AUTS2: variants seen among roughly 807,000 people sequenced by gnomAD.
The protein encoded by AUTS2 is activator of transcription and developmental regulator AUTS2.
AUTS2 carries 17 observed loss-of-function variants against 112.4 expected under a neutral mutation model. That is an observed-to-expected ratio of 0.15 (90% CI 0.10 to 0.23). AUTS2 has a LOEUF of 0.23. Ranked by LOEUF, AUTS2 falls within the 10% of genes least tolerant of loss-of-function variation. AUTS2 has a pLI of 1.00. For missense variants in AUTS2, 1,510 were observed against 1,701.6 expected (o/e 0.89, Z 1.98); for synonymous variants, 751 against 702.7 (o/e 1.07, Z -1.09).
Position 70,766,596 on chromosome 7 carries a change from C to G in AUTS2, c.1689+262C>G, listed in dbSNP as rs1789963721. On this transcript the variant is annotated intron_variant, in intron 9 of 18. Transcript: ENST00000342771. The surrounding 1 kb of genome is among the most constrained non-coding windows in gnomAD (Gnocchi z 4.8). ...CCATCTGCCCTCAAAACAGTCATGT[C>G]CAGTGTTGATGGCTAACTTCTTAAA... Among the ~76,000 whole-genome samples the G allele has an allele frequency of 6.6e-6, 1 of 152,192 alleles. No homozygotes were observed. Among genetic ancestry groups the G allele is most frequent in the Admixed American group, 6.5e-5 (1 of 15,280 alleles).
At chr7:69,975,973 C>T (rs1798043925) in intron 2 of AUTS2, among the ~76,000 whole-genome samples, 1 of 152,116 alleles carries the variant, frequency 6.6e-6, no homozygotes, top group Admixed American at 6.5e-5. Context: ...CCATCTCGCC[C>T]AGCTGATTTT....
intron 2 of AUTS2, among the ~76,000 whole-genome samples, chr7:69,951,649 G>A (rs1250275133): frequency 2.0e-5 from 3 of 152,134 alleles, no homozygotes; most frequent in Non-Finnish European, 4.4e-5. Flanking sequence ...AAATGACCAC[G>A]GGGAGCCTCA....
rs138379348 is a variant in AUTS2, at chr7:70,459,096, A to C, written c.690+23315A>C. 1.4e-3 allele frequency among the ~76,000 whole-genome samples: 214 copies of C among 152,336 alleles called. 1 individual carries two copies. Among genetic ancestry groups the C allele is most frequent in the African/African-American group, 4.6e-3 (190 of 41,582 alleles). On this transcript the variant is annotated intron_variant, in intron 5 of 18. Transcript: ENST00000342771. ...AGAGAACTAAGACTGAGTTTCATTT[A>C]AACCTAAAAGTGAGGAAGAACAGAT... is the stretch of plus-strand genomic sequence containing the variant.
At chr7:70,779,298 AT>A (rs376358269) in intron 14 of AUTS2, among the ~76,000 whole-genome samples, 8 of 152,282 alleles carry the variant, frequency 5.3e-5, no homozygotes, top group African/African-American at 1.7e-4. Context: ...TGTAACGTTC[AT>A]TTACGCATTC....
intron 5 of AUTS2, among the ~76,000 whole-genome samples, chr7:70,641,794 T>G (rs1173496834): frequency 6.6e-6 from 1 of 152,242 alleles, no homozygotes; most frequent in East Asian, 1.9e-4. Context: ...TTTGTTTACA[T>G]AAGTGATGAT....
At chr7:70,744,286 G>C (rs1788302009) in intron 6 of AUTS2, among the ~76,000 whole-genome samples, 1 of 152,144 alleles carries the variant, frequency 6.6e-6, no homozygotes, top group African/African-American at 2.4e-5. Flanking sequence ...AGTGACATGA[G>C]GCCATTTGTC....
chr7:69,838,776 A>G (rs1193815232), intron 1 of AUTS2, among the ~76,000 whole-genome samples: 1 of 152,206 alleles, frequency 6.6e-6, no homozygotes, highest in Non-Finnish European at 1.5e-5. Flanking sequence ...CCAGGCATTG[A>G]CCATGCATTC....
chr7:70,269,582 G>C (rs1787589215), intron 4 of AUTS2, among the ~76,000 whole-genome samples: 1 of 152,142 alleles, frequency 6.6e-6, no homozygotes, highest in Admixed American at 6.5e-5. Flanking sequence ...TCAGTTTCCT[G>C]CCTACAAAAT....
chr7:70,322,264 T>C (rs748919759), intron 4 of AUTS2, among the ~76,000 whole-genome samples: 15 of 152,214 alleles, frequency 9.9e-5, no homozygotes, highest in Non-Finnish European at 2.1e-4. Flanking sequence ...GGAAATTCTT[T>C]ATAAAATGAA....
intron 1 of AUTS2, among the ~76,000 whole-genome samples, chr7:69,769,331 G>A (rs1156807015): frequency 6.6e-6 from 1 of 152,196 alleles, no homozygotes; most frequent in Non-Finnish European, 1.5e-5. Flanking sequence ...TGTACACAGT[G>A]TCACTGGAAT....
intron 5 of AUTS2, among the ~76,000 whole-genome samples, chr7:70,532,918 G>GT (rs1292022026): frequency 3.3e-5 from 5 of 152,252 alleles, no homozygotes; most frequent in East Asian, 3.9e-4. Context: ...ACATTCCTCT[G>GT]TTTTTTTGGT....
intron 5 of AUTS2, among the ~76,000 whole-genome samples, chr7:70,664,283 T>C (rs1471371127): frequency 6.6e-6 from 1 of 152,218 alleles, no homozygotes; most frequent in Middle Eastern, 3.2e-3. Flanking sequence ...TGGTCAGCCA[T>C]GTAATAAGTG....
At chr7:70,107,404 C>T (rs972823702) in intron 2 of AUTS2, among the ~76,000 whole-genome samples, 1 of 135,960 alleles carries the variant, frequency 7.4e-6, no homozygotes, top group Admixed American at 8.1e-5. Context: ...AGTTCAGTAG[C>T]GTGATCTCGG....
At chr7:69,896,955 T>C (rs1451727801) in intron 1 of AUTS2, among the ~76,000 whole-genome samples, 2 of 152,250 alleles carry the variant, frequency 1.3e-5, no homozygotes, top group Non-Finnish European at 2.9e-5. Context: ...TCCTTTAGCG[T>C]TGTTAACTCA....
chr7:70,631,540 C>G lies in AUTS2; in HGVS notation c.691-67029C>G, dbSNP rs1303591595. ...GCAACCTAGAATGTGGGCTGGAGAG[C>G]GCTGTCCCAGTGGTGGCCCCGAGGC... On this transcript the variant is annotated intron_variant, in intron 5 of 18. Coordinates refer to ENST00000342771, the MANE Select transcript of AUTS2 (RefSeq NM_015570.4). The surrounding 1 kb of genome is among the most constrained non-coding windows in gnomAD (Gnocchi z 4.5). 6.6e-6 allele frequency among the ~76,000 whole-genome samples: 1 copy of G among 152,086 alleles called. No individual in the cohort carries two copies. Among genetic ancestry groups the G allele is most frequent in the Non-Finnish European group, 1.5e-5 (1 of 68,018 alleles).
At chr7:69,864,499 A>G (rs1023047424) in intron 1 of AUTS2, among the ~76,000 whole-genome samples, 1 of 152,330 alleles carries the variant, frequency 6.6e-6, no homozygotes. Context: ...TGATGCATTA[A>G]TGAACACACA....
At chr7:70,160,741 G>C (rs550446138) in intron 4 of AUTS2, among the ~76,000 whole-genome samples, 77 of 152,248 alleles carry the variant, frequency 5.1e-4, no homozygotes, top group African/African-American at 1.8e-3. Flanking sequence ...TCTGACACTG[G>C]TGAATTGAAG....
chr7:70,288,244 CA>C (rs971306940), intron 4 of AUTS2, among the ~76,000 whole-genome samples: 5 of 151,664 alleles, frequency 3.3e-5, no homozygotes, highest in African/African-American at 1.2e-4. Flanking sequence ...ACTAAAAATA[CA>C]AAAAAAATTA....
intron 1 of AUTS2, among the ~76,000 whole-genome samples, chr7:69,630,813 G>C (rs1313063499): frequency 6.6e-6 from 1 of 152,040 alleles, no homozygotes; most frequent in African/African-American, 2.4e-5. Flanking sequence ...CTTGGAGTGG[G>C]ACCCAGAAAT....
Sources: allele counts gnomAD v4.1 joint callset (sites outside exome capture counted in the v4.1 genomes callset), GRCh38; gene constraint gnomAD v4.1.1; non-coding constraint Gnocchi (gnomAD v3.1); transcripts MANE v1.5; gene names NCBI Gene and HGNC (gene_info 2026-07-23, HGNC 2026-07-21).